The following WBP2 variants were observed in gnomAD, a reference collection of about 807,000 sequenced individuals.
WBP2 encodes WW domain binding protein 2.
Under a neutral mutation model 33.0 loss-of-function variants are expected in WBP2, and 23 were observed. That is an observed-to-expected ratio of 0.70 (90% CI 0.50 to 0.99). The LOEUF (loss-of-function observed/expected upper bound fraction) is 0.99, where lower values mean the gene tolerates loss of function less well. Ranked by LOEUF, WBP2 falls within the 50% of genes least tolerant of loss-of-function variation. WBP2 has a pLI of 0.00. For synonymous variants in WBP2, 153 were observed against 133.5 expected, an observed-to-expected ratio of 1.15 and a Z score of -1.01; for missense variants, 353 against 358.0, an observed-to-expected ratio of 0.99 and a Z score of 0.11.
chr17:75,850,990 G>C (rs934193237), intron 2 of WBP2, among the ~76,000 whole-genome samples: 58 of 152,220 alleles, frequency 3.8e-4, no homozygotes, highest in African/African-American at 1.4e-3. Context: ...CTCCGCACCA[G>C]CCTGTCTTTG....
upstream of WBP2, among the ~76,000 whole-genome samples, chr17:75,855,641 C>A (rs1448442720): frequency 6.6e-6 from 1 of 152,210 alleles, no homozygotes; most frequent in Non-Finnish European, 1.5e-5. Context: ...CTTGTGCCAT[C>A]CCCACCCCGC....
At chr17:75,853,899 G>A (rs2065041978) in intron 1 of WBP2, among the ~76,000 whole-genome samples, 1 of 151,992 alleles carries the variant, frequency 6.6e-6, no homozygotes, top group South Asian at 2.1e-4. Context: ...CAAAAAATTA[G>A]CTGGGTGTAG....
At chr17:75,848,719 G>T in intron 3 of WBP2, 57 bp from the exon 4 acceptor site, 2 of 1,480,164 alleles carry the variant, frequency 1.4e-6, no homozygotes, top group Non-Finnish European at 9.3e-7. Flanking sequence ...TATGCCCAAA[G>T]AGATGGCTGT....
At chr17:75,852,029 A>C (rs2143930050) in intron 1 of WBP2, 1 of 204,382 alleles carries the variant, frequency 4.9e-6, no homozygotes, top group East Asian at 1.1e-4. Context: ...GCTTGAACCC[A>C]GGAGGCAGAG....
Position 75,851,575 on chromosome 17 carries a change from G to A in WBP2, c.161C>T (p.Pro54Leu), listed in dbSNP as rs770968991. The A allele has an allele frequency of 1.2e-6, 2 of 1,612,498 alleles. No individual in the cohort carries two copies. Among genetic ancestry groups the A allele is most frequent in the African/African-American group, 2.7e-5 (2 of 75,004 alleles). ...CCCTGCTGTGCAACTCACCCGGTAAGGGGTAAGGTAGACAGTGCCTTTCTT... is the reference window on the plus strand; with the variant it reads ...CCCTGCTGTGCAACTCACCCGGTAAAGGGTAAGGTAGACAGTGCCTTTCTT... ...GTKKGTVYLTPYRVIFLSKGK... is the reference protein window; with the variant it reads ...GTKKGTVYLTLYRVIFLSKGK... Residue 54 changes from proline to leucine, a missense_variant, in exon 2 of 8, where the codon CCT becomes CTT. Pro to Leu is a moderately conservative substitution (Grantham distance 98, BLOSUM62 -3). Transcript: ENST00000254806.
intron 4 of WBP2, 71 bp from the exon 5 acceptor site, chr17:75,848,001 T>G: frequency 6.5e-7 from 1 of 1,532,572 alleles, no homozygotes. Flanking sequence ...CCCCGCTGCC[T>G]GCAGATGGGA....
At chr17:75,854,744 T>C (rs2065047377) in intron 1 of WBP2, among the ~76,000 whole-genome samples, 1 of 152,222 alleles carries the variant, frequency 6.6e-6, no homozygotes, top group Non-Finnish European at 1.5e-5. Context: ...ACCACCTCTG[T>C]TACTTACACA....
chr17:75,847,854 T>A lies in WBP2; in HGVS notation c.474A>T (p.Pro158=). 1 of 1,555,776 alleles carries A rather than the reference T, an allele frequency of 6.4e-7. No individual in the cohort carries two copies. Among genetic ancestry groups the A allele is most frequent in the South Asian group, 1.2e-5 (1 of 84,634 alleles). Residue 158 remains proline, a synonymous_variant, in exon 5 of 8, where the codon CCA becomes CCT. Coordinates refer to ENST00000254806, the MANE Select transcript of WBP2 (RefSeq NM_012478.4). ...GGCAGGGGTACATTCCATTGGCGACTGGCGGGGGATAGACATAGGCCCCGC... is the reference window on the plus strand; with the variant it reads ...GGCAGGGGTACATTCCATTGGCGACAGGCGGGGGATAGACATAGGCCCCGC... The part of the protein sequence containing the change: ...MPSGAYVYPP[P]VANGMYPCPP...
intron 6 of WBP2, 54 bp downstream of exon 6, chr17:75,847,433 A>C (rs1462686973): frequency 3.2e-6 from 5 of 1,564,990 alleles, no homozygotes; most frequent in Non-Finnish European, 2.6e-6. Flanking sequence ...TCTGTGCGAC[A>C]TCGGGGAGGA....
chr17:75,855,763 C>T (rs950518968), upstream of WBP2, among the ~76,000 whole-genome samples: 3 of 152,240 alleles, frequency 2.0e-5, no homozygotes, highest in African/African-American at 7.2e-5. Context: ...CTGGACATGG[C>T]GTGGGAGCGC....
upstream of WBP2, chr17:75,855,347 C>T (rs998439554): frequency 4.4e-6 from 7 of 1,598,976 alleles, no homozygotes; most frequent in East Asian, 1.1e-4. Context: ...AGCTTGCGCC[C>T]CTCTTCGCCC....
chr17:75,850,250 CTTT>C (rs777399596), intron 2 of WBP2, among the ~76,000 whole-genome samples: 1 of 110,838 alleles, frequency 9.0e-6, no homozygotes. Context: ...CTTTTCTTTT[CTTT>C]TTTTTTTTTT....
In WBP2 at chr17:75,847,887, G is replaced by T. The variant is rs759209579; in HGVS notation, c.441C>A (p.Tyr147Ter). The change falls in exon 5 of 8, where the codon TAC becomes TAA. Residue 147 changes from tyrosine (Y) to a stop codon, truncating the protein, a stop_gained. Transcript: ENST00000254806. LOFTEE classifies it high-confidence loss of function. ...GATAGACATAGGCCCCGCTGGGCAT[G>T]TAAGAGTAGCCATAGGCTCCACTGG... ...EVPSGAYGYS[Y>*]MPSGAYVYPP... is the part of the protein sequence containing the mutation. 3 of 1,558,712 alleles carry T rather than the reference G, an allele frequency of 1.9e-6. No homozygotes were observed. Among genetic ancestry groups the T allele is most frequent in the Non-Finnish European group, 2.6e-6 (3 of 1,151,228 alleles).
intron 6 of WBP2, 155 bp from the exon 7 acceptor site, chr17:75,847,139 G>T: frequency 1.3e-6 from 1 of 788,910 alleles, no homozygotes; most frequent in Non-Finnish European, 2.0e-6. Flanking sequence ...CACATGCCAC[G>T]CGCTGGCACG....
chr17:75,854,479 G>A (rs1243828125), intron 1 of WBP2, among the ~76,000 whole-genome samples: 2 of 152,186 alleles, frequency 1.3e-5, no homozygotes, highest in Admixed American at 6.5e-5. Context: ...GGAGTGGAAA[G>A]AACCTTGAAT....
At chr17:75,855,184 C>CCCAAA in intron 1 of WBP2, 55 bp downstream of exon 1, 3 of 1,514,156 alleles carry the variant, frequency 2.0e-6, no homozygotes, top group Non-Finnish European at 2.7e-6. Flanking sequence ...ACCCACCGCC[C>CCCAAA]ACTTCCTCGA....
rs1182447280 is a variant in WBP2, at chr17:75,851,508, ACTCACGTCAC to A, written c.168+50_168+59del. On this transcript the variant is annotated intron_variant, in intron 2 of 7. Coordinates refer to ENST00000254806, the MANE Select transcript of WBP2 (RefSeq NM_012478.4). ...AGGCTGAGGCAGACCTGAGACTAAG[ACTCACGTCAC>A]CTCCAACAGCAACAAGCCTCTCAAC... 3.8e-6 allele frequency: 5 copies of A among 1,327,272 alleles called. No homozygotes were observed. The African/African-American group carries it at 7.3e-5, about 19-fold the overall frequency. 82.2% of individuals were successfully genotyped at this position (1,327,272 alleles called of 1,614,324 possible).
intron 1 of WBP2, 86 bp from the exon 2 acceptor site, chr17:75,851,762 T>C (rs1301948926): frequency 2.0e-6 from 2 of 977,654 alleles, no homozygotes; most frequent in Non-Finnish European, 3.3e-6. Context: ...CCCAAGCAGC[T>C]GCCCGGCACG....
chr17:75,853,499 G>C (rs2065039694), intron 1 of WBP2, among the ~76,000 whole-genome samples: 1 of 152,158 alleles, frequency 6.6e-6, no homozygotes. Context: ...GGCCGAGCAG[G>C]ATAGATACAT....
Sources: gnomAD v4.1 joint callset for allele counts (sites outside exome capture counted in the v4.1 genomes callset) on GRCh38, gnomAD v4.1.1 for gene constraint, MANE v1.5 for transcripts, NCBI Gene and HGNC (gene_info 2026-07-23, HGNC 2026-07-21) for gene names.